FHIT: variants seen among roughly 807,000 people sequenced by gnomAD.
FHIT encodes bis(5'-adenosyl)-triphosphatase.
In FHIT, 19 loss-of-function variants were observed where a neutral mutation model predicts 17.9. That is an observed-to-expected ratio of 1.06 (90% CI 0.74 to 1.56). The LOEUF (loss-of-function observed/expected upper bound fraction) is 1.56. FHIT is among the 40% of genes most tolerant of loss of function. The pLI, the probability that FHIT is intolerant of heterozygous loss-of-function variation, is 0.00. For missense variants in FHIT, 248 were observed against 189.2 expected (o/e 1.31, Z -1.82); for synonymous variants, 81 against 69.7 (o/e 1.16, Z -0.81).
intron 3 of FHIT, among the ~76,000 whole-genome samples, chr3:60,864,626 G>A (rs1434045019): frequency 6.6e-6 from 1 of 152,090 alleles, no homozygotes; most frequent in Non-Finnish European, 1.5e-5. Flanking sequence ...TGAGGTTGGA[G>A]CCTAAGTTGT....
intron 2 of FHIT, among the ~76,000 whole-genome samples, chr3:61,109,368 C>T (rs1361328935): frequency 6.6e-6 from 1 of 152,178 alleles, no homozygotes; most frequent in African/African-American, 2.4e-5. Flanking sequence ...ATCTGAGCCC[C>T]TGGCCTGTCC....
chr3:59,869,027 C>A (rs1381123101), intron 8 of FHIT, among the ~76,000 whole-genome samples: 1 of 152,064 alleles, frequency 6.6e-6, no homozygotes, highest in Admixed American at 6.6e-5. Context: ...ATACTATGAC[C>A]AGTAAACCAC....
At chr3:61,238,327 G>GCC (rs546554386) in intron 1 of FHIT, among the ~76,000 whole-genome samples, 53 of 152,180 alleles carry the variant, frequency 3.5e-4, no homozygotes, top group South Asian at 8.3e-4. Flanking sequence ...ACAGAAGATG[G>GCC]CCCAGAAGTA....
chr3:60,445,085 G>A (rs769464844), intron 5 of FHIT, among the ~76,000 whole-genome samples: 5 of 152,134 alleles, frequency 3.3e-5, no homozygotes, highest in South Asian at 4.1e-4. Context: ...GTAACTCCAT[G>A]TGGATTACCA....
intron 8 of FHIT, among the ~76,000 whole-genome samples, chr3:59,894,028 C>T (rs1039760707): frequency 1.3e-5 from 2 of 152,086 alleles, no homozygotes; most frequent in African/African-American, 2.4e-5. Context: ...GCACTTTGGG[C>T]GGCCAAGGCA....
intron 7 of FHIT, among the ~76,000 whole-genome samples, chr3:59,939,273 T>A (rs1706393659): frequency 6.6e-6 from 1 of 152,128 alleles, no homozygotes; most frequent in Non-Finnish European, 1.5e-5. Context: ...ATGGAACCCT[T>A]CCTAACTTCA....
intron 5 of FHIT, among the ~76,000 whole-genome samples, chr3:60,223,074 A>G (rs1704035132): frequency 1.3e-5 from 2 of 152,176 alleles, no homozygotes; most frequent in Admixed American, 1.3e-4. Context: ...TTCCATCTAC[A>G]ATAGTCTCCT....
intron 5 of FHIT, among the ~76,000 whole-genome samples, chr3:60,264,983 T>G (rs1271373533): frequency 6.6e-6 from 1 of 151,950 alleles, no homozygotes; most frequent in Non-Finnish European, 1.5e-5. Context: ...GAATGACTTT[T>G]TATTGCTCCC....
intron 4 of FHIT, among the ~76,000 whole-genome samples, chr3:60,763,400 T>G (rs1443997873): frequency 3.9e-5 from 6 of 152,322 alleles, no homozygotes; most frequent in Non-Finnish European, 7.3e-5. Flanking sequence ...CCTCCATCAT[T>G]CCATAGCTAC....
At chr3:59,874,506 A>T (rs936366783) in intron 8 of FHIT, among the ~76,000 whole-genome samples, 1 of 152,126 alleles carries the variant, frequency 6.6e-6, no homozygotes, top group Non-Finnish European at 1.5e-5. Flanking sequence ...CCAAGTTCCC[A>T]GGTGATGCTG....
intron 8 of FHIT, among the ~76,000 whole-genome samples, chr3:59,879,928 C>T (rs1053061511): frequency 7.3e-6 from 1 of 137,246 alleles, no homozygotes; most frequent in African/African-American, 2.7e-5. Context: ...CACCCCCCCC[C>T]CCCCGCCCCT....
chr3:60,922,218 A>C (rs1049538077), intron 3 of FHIT, among the ~76,000 whole-genome samples: 1 of 152,206 alleles, frequency 6.6e-6, no homozygotes, highest in African/African-American at 2.4e-5. Flanking sequence ...TCAGATGTCA[A>C]GGGAGGTAAT....
chr3:61,080,226 T>G (rs1406034799), intron 2 of FHIT, among the ~76,000 whole-genome samples: 1 of 152,162 alleles, frequency 6.6e-6, no homozygotes, highest in Non-Finnish European at 1.5e-5. Context: ...ATCTAAGATG[T>G]TCAGGTAAAA....
At chr3:60,445,991 T>C (rs1015542072) in intron 5 of FHIT, among the ~76,000 whole-genome samples, 1 of 152,098 alleles carries the variant, frequency 6.6e-6, no homozygotes. Context: ...GAAGACCTAA[T>C]ATCCTAGAAA....
At chr3:60,036,338 G>C (rs79992532) in intron 5 of FHIT, among the ~76,000 whole-genome samples, 1,704 of 152,234 alleles carry the variant, frequency 0.011, 20 homozygotes, top group Middle Eastern at 0.02. Context: ...TTAATATACA[G>C]AGCATGTTAT....
chr3:60,137,603 G>A (rs1027114566), intron 5 of FHIT, among the ~76,000 whole-genome samples: 3 of 152,262 alleles, frequency 2.0e-5, no homozygotes, highest in East Asian at 3.9e-4. Context: ...TGACACTGAT[G>A]GAGACAAAGC....
intron 5 of FHIT, among the ~76,000 whole-genome samples, chr3:60,304,661 A>G (rs1347826497): frequency 6.6e-6 from 1 of 152,144 alleles, no homozygotes; most frequent in Non-Finnish European, 1.5e-5. Flanking sequence ...TATATGTGCC[A>G]TATATTGCAT....
chr3:60,567,824 G>C (rs1014000532), intron 4 of FHIT, among the ~76,000 whole-genome samples: 36 of 152,250 alleles, frequency 2.4e-4, no homozygotes, highest in African/African-American at 8.4e-4. Context: ...CTCAAAAGAA[G>C]ACATTTATGC....
At chr3:60,440,470 A>C (rs1273466266) in intron 5 of FHIT, among the ~76,000 whole-genome samples, 1 of 152,090 alleles carries the variant, frequency 6.6e-6, no homozygotes, top group Admixed American at 6.6e-5. Flanking sequence ...GAGGCCACCA[A>C]TTGAGGTATA....
Sources: gnomAD v4.1 joint callset for allele counts (sites outside exome capture counted in the v4.1 genomes callset) on GRCh38, gnomAD v4.1.1 for gene constraint, MANE v1.5 for transcripts, NCBI Gene and HGNC (gene_info 2026-07-23, HGNC 2026-07-21) for gene names.